Variants in ABCG1 observed in about 807,000 individuals in gnomAD.
The protein encoded by ABCG1 is ATP binding cassette subfamily G member 1.
ABCG1 carries 29 observed loss-of-function variants against 69.2 expected under a neutral mutation model. That is an observed-to-expected ratio of 0.42 (90% CI 0.31 to 0.57). The LOEUF (loss-of-function observed/expected upper bound fraction) is 0.57, where lower values mean the gene tolerates loss of function less well. ABCG1 is among the 20% of genes least tolerant of loss of function. The pLI is 0.15. For missense variants in ABCG1, 718 were observed against 898.1 expected (o/e 0.80, Z 2.56); for synonymous variants, 370 against 374.8 (o/e 0.99, Z 0.15).
chr21:42,212,988 T>A (rs990100589), upstream of ABCG1, among the ~76,000 whole-genome samples: 1 of 152,216 alleles, frequency 6.6e-6, no homozygotes, highest in Non-Finnish European at 1.5e-5. Context: ...CCACCGCACC[T>A]GGCCTAAAGA....
rs10084555 is a variant in ABCG1 at position 42,203,269 on chromosome 21, G to A, written c.48+1546G>A. On this transcript the variant is annotated intron_variant, in intron 2 of 15. Transcript: ENST00000398457. ...TCCTGGTCTGTTATTAACACTTTTCGTCTTCTTAACAGGGTCTTTCTCAGA... is the reference window on the plus strand; with the variant it reads ...TCCTGGTCTGTTATTAACACTTTTCATCTTCTTAACAGGGTCTTTCTCAGA... Among the ~76,000 whole-genome samples the A allele has an allele frequency of 6.9e-3, 1,045 of 152,220 alleles. 5 individuals carry two copies. The highest frequency in any genetic ancestry group is 0.017 in the Middle Eastern group (5 of 294).
chr21:42,255,787 G>A (rs1265064970), intron 2 of ABCG1, among the ~76,000 whole-genome samples: 1 of 152,158 alleles, frequency 6.6e-6, no homozygotes, highest in African/African-American at 2.4e-5. Context: ...GATGTGGCCC[G>A]ACTTTCAATG....
chr21:42,232,887 GA>G (rs2067921090), intron 2 of ABCG1, among the ~76,000 whole-genome samples: 1 of 152,168 alleles, frequency 6.6e-6, no homozygotes, highest in Admixed American at 6.5e-5. Context: ...TTCAGTTCTA[GA>G]ATCAACAGAT....
At chr21:42,272,314 T>C (rs80141820) in intron 3 of ABCG1, among the ~76,000 whole-genome samples, 1,545 of 152,194 alleles carry the variant, frequency 0.01, 37 homozygotes, top group African/African-American at 0.034. Flanking sequence ...CACCCACAGC[T>C]CCTGGCAGCC....
chr21:42,201,156 C>T (rs1175725119), intron 1 of ABCG1, among the ~76,000 whole-genome samples: 1 of 152,072 alleles, frequency 6.6e-6, no homozygotes, highest in East Asian at 1.9e-4. Context: ...TACGTGTCTG[C>T]AAGCAGTTGA....
rs116115355 is a variant in ABCG1, at chr21:42,202,988, A to G, written c.48+1265A>G. 6.0e-3 allele frequency among the ~76,000 whole-genome samples: 918 copies of G among 152,318 alleles called. 12 individuals carry two copies. Among genetic ancestry groups the G allele is most frequent in the African/African-American group, 0.021 (870 of 41,566 alleles). On this transcript the variant is annotated intron_variant, in intron 2 of 15. Coordinates refer to the ABCG1 transcript ENST00000398457. Reference sequence around the variant, plus strand: ...GGACAGACACAAAGACCAATGGAACAGAATAGAAAACCCAGAATCACACCC... The same window carrying G: ...GGACAGACACAAAGACCAATGGAACGGAATAGAAAACCCAGAATCACACCC...
chr21:42,251,938 C>T (rs559615589), intron 2 of ABCG1, among the ~76,000 whole-genome samples: 161 of 152,332 alleles, frequency 1.1e-3, no homozygotes, highest in Non-Finnish European at 1.7e-3. Flanking sequence ...CCGTGTCCGT[C>T]GAATCTGAAA....
In ABCG1 at chr21:42,287,773, C is replaced by T. The variant is rs759214326; in HGVS notation, c.974-116C>T. On this transcript the variant is annotated intron_variant, in intron 8 of 14. Transcript: ENST00000398449. The surrounding 1 kb of genome is among the most constrained non-coding windows in gnomAD (Gnocchi z 6.2). ...TGACGTCATGCCATTAGCACCGCCA[C>T]GCAGCATCTATGTAATCGCTTTAAA... 39 of 1,087,300 alleles carry T rather than the reference C, an allele frequency of 3.6e-5. No individual in the cohort carries two copies. The highest frequency in any genetic ancestry group is 4.6e-5 in the Non-Finnish European group (35 of 765,946). The allele number at this position is 1,087,300 out of a possible 1,614,324, so 67.4% of individuals were successfully genotyped here.
rs552622477 is a variant in ABCG1 at position 42,296,111 on chromosome 21, C to T, written c.1773-53C>T. On this transcript the variant is annotated intron_variant, in intron 14 of 14. Transcript: ENST00000398449. The surrounding 1 kb of genome is among the most constrained non-coding windows in gnomAD (Gnocchi z 5.4). ...GTGAACGACATTGACCTTCAGCCAA[C>T]GGCGTGGCTGGCTGGGAGAACGTCC... 35 of 1,499,712 alleles carry T rather than the reference C, an allele frequency of 2.3e-5. No individual in the cohort carries two copies. The highest frequency in any genetic ancestry group is 6.8e-5 in the East Asian group (3 of 44,146). 92.9% of individuals were successfully genotyped at this position (1,499,712 alleles called of 1,614,324 possible).
chr21:42,254,876 C>T (rs1569221089), intron 2 of ABCG1, among the ~76,000 whole-genome samples: 1 of 152,182 alleles, frequency 6.6e-6, no homozygotes, highest in Non-Finnish European at 1.5e-5. Context: ...TGTAGCGCAG[C>T]TGGGCTCATC....
At chr21:42,269,862 A>G (rs1341289879) in intron 2 of ABCG1, among the ~76,000 whole-genome samples, 1 of 152,042 alleles carries the variant, frequency 6.6e-6, no homozygotes, top group African/African-American at 2.4e-5. Flanking sequence ...TGGGCCAAGG[A>G]CCCCACAGGT....
At chr21:42,251,010 G>C (rs9982242) in intron 2 of ABCG1, among the ~76,000 whole-genome samples, 5,127 of 150,328 alleles carry the variant, frequency 0.034, 161 homozygotes, top group Middle Eastern at 0.071. Context: ...CGAACACAGG[G>C]ACAGCTCAGC....
intron 2 of ABCG1, among the ~76,000 whole-genome samples, chr21:42,202,484 G>C (rs1373690585): frequency 6.6e-6 from 1 of 152,064 alleles, no homozygotes; most frequent in Non-Finnish European, 1.5e-5. Flanking sequence ...GGTTAGAGGA[G>C]GGGTGTGATC....
chr21:42,274,274 C>G (rs2068669512), intron 4 of ABCG1, among the ~76,000 whole-genome samples: 1 of 152,166 alleles, frequency 6.6e-6, no homozygotes, highest in Admixed American at 6.5e-5. Context: ...CTTTTCACTC[C>G]TAGTAAGCCT....
chr21:42,267,319 C>T (rs1273386850), intron 2 of ABCG1, among the ~76,000 whole-genome samples: 1 of 151,486 alleles, frequency 6.6e-6, no homozygotes, highest in Non-Finnish European at 1.5e-5. Context: ...TCTGGGTTCT[C>T]TCTAGACCTG....
rs1035831762 is a variant in ABCG1, at chr21:42,291,367, A to G, written c.1495-131A>G. 6 of 1,281,018 alleles carry G rather than the reference A, an allele frequency of 4.7e-6. No homozygotes were observed. The highest frequency in any genetic ancestry group is 2.1e-5 in the Admixed American group (1 of 47,622). 79.4% of individuals were successfully genotyped at this position (1,281,018 alleles called of 1,614,324 possible). The stretch of plus-strand genomic sequence containing the variant: ...GGGAGCTGTGGCGGGAGCTGTGGGG[A>G]GTGGGGAAGGACCCGACTTTGGGAG... On this transcript the variant is annotated intron_variant, in intron 12 of 14. Coordinates refer to ENST00000398449, the MANE Select transcript of ABCG1 (RefSeq NM_016818.3). The surrounding 1 kb of genome is among the most constrained non-coding windows in gnomAD (Gnocchi z 6.4).
chr21:42,278,724 G>A (rs899894744), intron 5 of ABCG1, among the ~76,000 whole-genome samples: 2 of 152,156 alleles, frequency 1.3e-5, no homozygotes, highest in Non-Finnish European at 2.9e-5. Flanking sequence ...CGTAACAAAC[G>A]AGAGCCTTAG....
At chr21:42,243,712 G>A (rs1419721838) in intron 2 of ABCG1, among the ~76,000 whole-genome samples, 3 of 151,832 alleles carry the variant, frequency 2.0e-5, no homozygotes, top group Non-Finnish European at 4.4e-5. Flanking sequence ...GATTCCCGGC[G>A]CCCTGTCCAG....
intron 2 of ABCG1, among the ~76,000 whole-genome samples, chr21:42,229,383 T>TG (rs1055907825): frequency 3.1e-4 from 47 of 152,230 alleles, no homozygotes; most frequent in Admixed American, 2.6e-3. Context: ...CTGGCATTGC[T>TG]GGGGAGGTGT....
Sources: allele counts gnomAD v4.1 joint callset (sites outside exome capture counted in the v4.1 genomes callset), GRCh38; gene constraint gnomAD v4.1.1; non-coding constraint Gnocchi (gnomAD v3.1); transcripts MANE v1.5; gene names NCBI Gene and HGNC (gene_info 2026-07-23, HGNC 2026-07-21).